The following CNTNAP2 variants were observed in gnomAD, a reference collection of about 807,000 sequenced individuals.
CNTNAP2 encodes contactin-associated protein-like 2.
Under a neutral mutation model 155.2 loss-of-function variants are expected in CNTNAP2, and 98 were observed. The observed-to-expected ratio is 0.63, with a 90% CI of 0.54 to 0.75. The LOEUF (loss-of-function observed/expected upper bound fraction) is 0.75. CNTNAP2 is among the 30% of genes least tolerant of loss of function. The pLI, the probability that CNTNAP2 is intolerant of heterozygous loss-of-function variation, is 0.00. For synonymous variants in CNTNAP2, 651 were observed against 631.2 expected (o/e 1.03, Z -0.47); for missense variants, 1,727 against 1,688.1 (o/e 1.02, Z -0.40).
chr7:146,208,425 TG>T (rs1417749136), intron 1 of CNTNAP2, among the ~76,000 whole-genome samples: 1 of 152,138 alleles, frequency 6.6e-6, no homozygotes, highest in African/African-American at 2.4e-5. Context: ...GAAATAAGAC[TG>T]ATTAGTGTTG....
intron 1 of CNTNAP2, among the ~76,000 whole-genome samples, chr7:146,497,424 T>C (rs1480026076): frequency 6.6e-6 from 1 of 152,176 alleles, no homozygotes; most frequent in East Asian, 1.9e-4. Context: ...TATTAATAAA[T>C]AAGTCATATT....
At chr7:146,928,355 A>T (rs965094480) in intron 3 of CNTNAP2, among the ~76,000 whole-genome samples, 1 of 152,152 alleles carries the variant, frequency 6.6e-6, no homozygotes, top group Middle Eastern at 3.2e-3. Context: ...GTGGATATGG[A>T]TATGTTTCCA....
At chr7:147,448,238 T>C (rs1457583952) in intron 10 of CNTNAP2, among the ~76,000 whole-genome samples, 2 of 152,238 alleles carry the variant, frequency 1.3e-5, no homozygotes, top group East Asian at 3.9e-4. Flanking sequence ...GTTTTTAATC[T>C]TAAAAACACA....
At chr7:146,621,027 C>T (rs1031949289) in intron 1 of CNTNAP2, among the ~76,000 whole-genome samples, 13 of 152,100 alleles carry the variant, frequency 8.5e-5, no homozygotes, top group African/African-American at 2.9e-4. Context: ...CATTTAGCTA[C>T]ATTGAACCGG....
At chr7:148,245,493 C>T (rs1412990811) in intron 20 of CNTNAP2, among the ~76,000 whole-genome samples, 1 of 152,194 alleles carries the variant, frequency 6.6e-6, no homozygotes, top group African/African-American at 2.4e-5. Flanking sequence ...GCGCGCTGCT[C>T]TTCCTTCTCC....
Position 146,620,129 on chromosome 7 carries a change from G to T in CNTNAP2, c.98-154142G>T, listed in dbSNP as rs1478532428. Among the ~76,000 whole-genome samples the T allele has an allele frequency of 3.9e-5, 6 of 152,230 alleles. No individual in the cohort carries two copies. The East Asian group carries it at 1.2e-3, about 29-fold the overall frequency. ...TTTTCCACAATACTCTTAAGTCATT[G>T]TTGTAACTGAAAATGATCAAGAGTA... On this transcript the variant is annotated intron_variant, in intron 1 of 23. Coordinates refer to ENST00000361727, the MANE Select transcript of CNTNAP2 (RefSeq NM_014141.6).
chr7:148,225,307 GGAAGTCACA>G (rs1795825912), intron 19 of CNTNAP2, among the ~76,000 whole-genome samples: 2 of 152,154 alleles, frequency 1.3e-5, no homozygotes, highest in Admixed American at 1.3e-4. Context: ...CTTTTAATGA[GGAAGTCACA>G]GAAATGATCA....
chr7:146,645,070 C>A (rs963327965), intron 1 of CNTNAP2, among the ~76,000 whole-genome samples: 2 of 151,964 alleles, frequency 1.3e-5, no homozygotes, highest in Non-Finnish European at 2.9e-5. Context: ...AAAAGAAATT[C>A]AAAAAAATCA....
chr7:146,860,111 TTATC>T (rs1477497982), intron 3 of CNTNAP2, among the ~76,000 whole-genome samples: 1 of 152,204 alleles, frequency 6.6e-6, no homozygotes, highest in Non-Finnish European at 1.5e-5. Flanking sequence ...TAACAAATAT[TTATC>T]AAGTTTATTT....
intron 9 of CNTNAP2, 138 bp from the exon 10 acceptor site, chr7:147,395,471 C>T: frequency 5.9e-6 from 5 of 841,222 alleles, no homozygotes; most frequent in Non-Finnish European, 9.5e-6. Context: ...CCTTTTTCTA[C>T]ACTGAATATA....
At chr7:147,705,012 AC>A (rs1796290003) in intron 13 of CNTNAP2, among the ~76,000 whole-genome samples, 1 of 151,988 alleles carries the variant, frequency 6.6e-6, no homozygotes, top group South Asian at 2.1e-4. Context: ...TAAAAAACCA[AC>A]TTTTCATTTT....
chr7:148,226,216 A>C (rs1465865191), intron 19 of CNTNAP2, among the ~76,000 whole-genome samples: 1 of 149,544 alleles, frequency 6.7e-6, no homozygotes, highest in Non-Finnish European at 1.5e-5. Flanking sequence ...GCTATTATTA[A>C]AAAAAAAGAG....
At chr7:148,330,865 C>T (rs370296213) in intron 21 of CNTNAP2, among the ~76,000 whole-genome samples, 9 of 103,910 alleles carry the variant, frequency 8.7e-5, no homozygotes, top group Admixed American at 3.0e-4. Flanking sequence ...AATGGATGGA[C>T]GGATGGAGTG....
intron 1 of CNTNAP2, among the ~76,000 whole-genome samples, chr7:146,126,503 T>C (rs1015605744): frequency 6.6e-6 from 1 of 152,222 alleles, no homozygotes; most frequent in Non-Finnish European, 1.5e-5. Context: ...TTGAGTACTA[T>C]TGAAATACAT....
chr7:148,190,087 C>T (rs1282784546), intron 18 of CNTNAP2: 1 of 152,334 alleles, frequency 6.6e-6, no homozygotes, highest in South Asian at 2.1e-4. Context: ...TCTGGACAGC[C>T]TTGGGACTTG....
At chr7:146,939,561 T>C (rs1408417027) in intron 3 of CNTNAP2, among the ~76,000 whole-genome samples, 1 of 152,194 alleles carries the variant, frequency 6.6e-6, no homozygotes, top group Non-Finnish European at 1.5e-5. Flanking sequence ...TGATTGCCAT[T>C]TACCTTTCAG....
At chr7:146,324,579 A>G (rs1448344769) in intron 1 of CNTNAP2, among the ~76,000 whole-genome samples, 3 of 152,132 alleles carry the variant, frequency 2.0e-5, no homozygotes, top group Non-Finnish European at 4.4e-5. Flanking sequence ...TTGATTCCTG[A>G]CATCTTTCAG....
chr7:146,222,801 G>A (rs913712833), intron 1 of CNTNAP2, among the ~76,000 whole-genome samples: 37 of 151,560 alleles, frequency 2.4e-4, no homozygotes, highest in African/African-American at 7.3e-4. Context: ...GACTACAGGC[G>A]CCCGCCACCA....
intron 1 of CNTNAP2, among the ~76,000 whole-genome samples, chr7:146,554,000 C>T (rs952049195): frequency 1.9e-4 from 29 of 152,128 alleles, no homozygotes; most frequent in African/African-American, 6.3e-4. Context: ...ACACACACAG[C>T]CCCATATAAA....
Sources: gnomAD v4.1 joint callset for allele counts (sites outside exome capture counted in the v4.1 genomes callset) on GRCh38, gnomAD v4.1.1 for gene constraint, MANE v1.5 for transcripts, NCBI Gene and HGNC (gene_info 2026-07-23, HGNC 2026-07-21) for gene names.